XRRA1: variants seen among roughly 807,000 people sequenced by gnomAD.
XRRA1 encodes the protein X-ray radiation resistance associated 1, also known as X-ray radiation resistance-associated protein 1.
XRRA1 carries 69 observed loss-of-function variants against 80.2 expected under a neutral mutation model. The ratio of observed to expected loss-of-function variants is 0.86; its 90% confidence interval spans 0.71 to 1.05. The LOEUF is 1.05. Among genes scored for constraint, XRRA1 ranks in the 50% least tolerant of loss-of-function variants. The probability of loss-of-function intolerance (pLI) is 0.00; values close to 1 mark genes in which losing one functional copy is unlikely to be tolerated. For synonymous variants in XRRA1, 348 were observed against 389.9 expected (o/e 0.89, Z 1.27); for missense variants, 967 against 976.4 (o/e 0.99, Z 0.13).
intron 8 of XRRA1, among the ~76,000 whole-genome samples, chr11:74,916,963 T>A (rs1938923055): frequency 6.6e-6 from 1 of 152,180 alleles, no homozygotes; most frequent in Non-Finnish European, 1.5e-5. Context: ...ATGCAGCTGA[T>A]TTTGAATGTC....
rs572398689 is a variant in XRRA1, at chr11:74,877,075, C to A, written c.1004-14054G>T. 6 of 152,256 alleles carry A rather than the reference C, an allele frequency of 3.9e-5. No individual in the cohort carries two copies. In the East Asian group the frequency reaches 1.2e-3, roughly 29 times the overall value. The allele number at this position is 152,256 out of a possible 1,614,324, so 9.4% of individuals were successfully genotyped here. Reference sequence around the variant, plus strand: ...TGCAGTAGGACTATATACTGTGGTACCTGCAATGTAGAATTCTGGATGGAA... The same window carrying A: ...TGCAGTAGGACTATATACTGTGGTAACTGCAATGTAGAATTCTGGATGGAA... On this transcript the variant is annotated intron_variant, in intron 10 of 18. Coordinates refer to ENST00000684022, the MANE Select transcript of XRRA1 (RefSeq NM_001378157.1).
rs926659951 is a variant in XRRA1 at position 74,888,272 on chromosome 11, G to A, written c.1003+17967C>T. The stretch of plus-strand genomic sequence containing the variant: ...CAACATCTGCTGTTCACCAATATCT[G>A]CTGTTCTGCAGCCTCCACCGCTGAT... On this transcript the variant is annotated intron_variant, in intron 10 of 18. Transcript: ENST00000684022. 1.4e-4 allele frequency among the ~76,000 whole-genome samples: 22 copies of A among 152,240 alleles called. No individual in the cohort carries two copies. The East Asian group carries it at 3.5e-3, about 24-fold the overall frequency.
At chr11:74,946,471 TCTCTTGCCTGTTGCCATGTAAGACTTGC>T (rs1306869619) in intron 1 of XRRA1, among the ~76,000 whole-genome samples, 1 of 152,192 alleles carries the variant, frequency 6.6e-6, no homozygotes, top group African/African-American at 2.4e-5. Context: ...ACTCTTGCCC[TCTCTTGCCTGTTGCCATGTAAGACTTGC>T]CTCTTCCCTT....
Position 74,863,002 on chromosome 11 carries a change from G to A in XRRA1, c.1023C>T (p.Tyr341=). The A allele has an allele frequency of 6.2e-7, 1 of 1,604,592 alleles. No individual in the cohort carries two copies. Among genetic ancestry groups the A allele is most frequent in the East Asian group, 2.2e-5 (1 of 44,626 alleles). ...CTACCTCTGAGGTTGAAAATCCAGG[G>A]TAAGATGAAAACACAACCTCTGAAA... The part of the protein sequence containing the change: ...VDRTEVVFSS[Y]PGFSTSETTK... Residue 341 remains tyrosine, a synonymous_variant, in exon 11 of 19, where the codon TAC becomes TAT. Transcript: ENST00000684022.
intron 10 of XRRA1, among the ~76,000 whole-genome samples, chr11:74,897,668 A>G (rs2052649850): frequency 6.6e-6 from 1 of 151,270 alleles, no homozygotes; most frequent in Non-Finnish European, 1.5e-5. Flanking sequence ...TGGAAACCTT[A>G]CAGGCCAGGA....
intron 7 of XRRA1, among the ~76,000 whole-genome samples, chr11:74,924,181 AAG>A (rs1343624842): frequency 2.0e-5 from 3 of 151,476 alleles, no homozygotes; most frequent in African/African-American, 7.3e-5. Context: ...AATAAAAAAA[AAG>A]AGTAAGAGTG....
intron 8 of XRRA1, among the ~76,000 whole-genome samples, chr11:74,909,511 C>T (rs1328600475): frequency 6.6e-6 from 1 of 152,188 alleles, no homozygotes; most frequent in Admixed American, 6.5e-5. Flanking sequence ...ACAAGTTACA[C>T]TACTTCGTCT....
chr11:74,850,702 T>G (rs907569826), intron 14 of XRRA1, among the ~76,000 whole-genome samples: 2 of 152,168 alleles, frequency 1.3e-5, no homozygotes, highest in African/African-American at 4.8e-5. Context: ...TAGCTATTCT[T>G]TTTTTTGTTT....
chr11:74,851,709 A>T (rs915915175), intron 13 of XRRA1, among the ~76,000 whole-genome samples: 1 of 152,234 alleles, frequency 6.6e-6, no homozygotes, highest in Non-Finnish European at 1.5e-5. Flanking sequence ...TTCCATTCCC[A>T]ACTCAGACTC....
At position 74,909,078 on chromosome 11, in the gene XRRA1, C is replaced by A. The variant is rs1018494150; in HGVS notation, c.657-1805G>T. Among the ~76,000 whole-genome samples, 10 of 152,106 alleles carry A rather than the reference C, an allele frequency of 6.6e-5. 1 individual carries two copies. Among genetic ancestry groups the A allele is most frequent in the Non-Finnish European group, 1.5e-4 (10 of 68,010 alleles). ...CCCAATGTTCTTACAATCAATTCCCCCCTGCCTTTTTTTCTGTATCCTAAC... is the reference window on the plus strand; with the variant it reads ...CCCAATGTTCTTACAATCAATTCCCACCTGCCTTTTTTTCTGTATCCTAAC... On this transcript the variant is annotated intron_variant, in intron 8 of 18. Transcript: ENST00000684022.
At position 74,848,203 on chromosome 11, in the gene XRRA1, G is replaced by T. The variant is rs758491541; in HGVS notation, c.1640C>A (p.Ser547Tyr). ...GCGGACAGTTGTGTCACTCAGGTGG[G>T]ACAGGGTCTCTTCACTATGCACAGT... is the stretch of plus-strand genomic sequence containing the variant. ...NSTVHSEETL[S>Y]HLSDTTVRLS... is the part of the protein sequence containing the mutation. Residue 547 changes from serine to tyrosine, a missense_variant, in exon 15 of 19, where the codon TCC becomes TAC. Transcript: ENST00000684022. 6.2e-7 allele frequency: 1 copy of T among 1,613,886 alleles called. No individual in the cohort carries two copies. The highest frequency in any genetic ancestry group is 1.1e-5 in the South Asian group (1 of 91,064).
intron 2 of XRRA1, 63 bp downstream of exon 2, chr11:74,944,955 T>C (rs1947195470): frequency 6.6e-6 from 1 of 152,646 alleles, no homozygotes; most frequent in Non-Finnish European, 1.5e-5. Flanking sequence ...TGATGGCTGT[T>C]GGAGAAGCCT....
At chr11:74,887,151 T>A (rs368820415) in intron 10 of XRRA1, among the ~76,000 whole-genome samples, 2 of 152,194 alleles carry the variant, frequency 1.3e-5, no homozygotes, top group Non-Finnish European at 2.9e-5. Flanking sequence ...CTTCTGGACA[T>A]AGGACTGGGC....
At chr11:74,907,071 C>T in intron 9 of XRRA1, 74 bp downstream of exon 9, 1 of 1,590,340 alleles carries the variant, frequency 6.3e-7, no homozygotes, top group East Asian at 2.2e-5. Context: ...CTTTTGGCTT[C>T]CAGAACAGCA....
chr11:74,891,905 G>A (rs1417996983), intron 10 of XRRA1, among the ~76,000 whole-genome samples: 1 of 152,050 alleles, frequency 6.6e-6, no homozygotes, highest in South Asian at 2.1e-4. Context: ...AAATAAAAGA[G>A]GATACAAACA....
intron 14 of XRRA1, 86 bp from the exon 15 acceptor site, chr11:74,848,548 A>G: frequency 8.1e-7 from 1 of 1,240,848 alleles, no homozygotes; most frequent in Non-Finnish European, 1.1e-6. Flanking sequence ...CCACTTGTAT[A>G]GCAGCCGGAG....
In XRRA1 at chr11:74,848,259, G is replaced by A. The variant is rs377227361; in HGVS notation, c.1584C>T (p.Phe528=). Residue 528 remains phenylalanine, a synonymous_variant, in exon 15 of 19, where the codon TTC becomes TTT. Transcript: ENST00000684022. Reference sequence around the variant, plus strand: ...TGGAGCAGATGGGAGGCAGTGGCACGAAGGTCCGGCAAGACGGGGAATGGC... The same window carrying A: ...TGGAGCAGATGGGAGGCAGTGGCACAAAGGTCCGGCAAGACGGGGAATGGC... The part of the protein sequence containing the change: ...LEGHSPSCRT[F]VPLPPICSNS... 9 of 1,613,788 alleles carry A rather than the reference G, an allele frequency of 5.6e-6. No homozygotes were observed. Among genetic ancestry groups the A allele is most frequent in the South Asian group, 4.4e-5 (4 of 91,072 alleles).
intron 10 of XRRA1, among the ~76,000 whole-genome samples, chr11:74,896,330 TACC>T (rs1012093286): frequency 6.6e-6 from 1 of 152,160 alleles, no homozygotes; most frequent in Non-Finnish European, 1.5e-5. Flanking sequence ...TGGTAGCATT[TACC>T]ACAACCTGTG....
At chr11:74,931,191 T>G (rs1412566066) in intron 5 of XRRA1, among the ~76,000 whole-genome samples, 2 of 152,076 alleles carry the variant, frequency 1.3e-5, no homozygotes, top group East Asian at 3.9e-4. Flanking sequence ...AGTAAAACTT[T>G]ACGTTAAATG....
Sources: allele counts gnomAD v4.1 joint callset (sites outside exome capture counted in the v4.1 genomes callset), GRCh38; gene constraint gnomAD v4.1.1; transcripts MANE v1.5; gene names NCBI Gene and HGNC (gene_info 2026-07-23, HGNC 2026-07-21).